DYRK1A: variants seen among roughly 807,000 people sequenced by gnomAD.
DYRK1A encodes dual specificity tyrosine-phosphorylation-regulated kinase 1A.
In DYRK1A, 9 loss-of-function variants were observed where a neutral mutation model predicts 79.7. The observed-to-expected ratio is 0.11, with a 90% CI of 0.07 to 0.20. DYRK1A has a LOEUF of 0.20. DYRK1A is among the 10% of genes least tolerant of loss of function. The probability of loss-of-function intolerance (pLI) is 1.00; values close to 1 mark genes in which losing one functional copy is unlikely to be tolerated. For missense variants in DYRK1A, 622 were observed against 956.0 expected, an observed-to-expected ratio of 0.65 and a Z score of 4.61; for synonymous variants, 349 against 329.7, an observed-to-expected ratio of 1.06 and a Z score of -0.63.
intron 2 of DYRK1A, among the ~76,000 whole-genome samples, chr21:37,456,906 A>C (rs1025786137): frequency 6.6e-6 from 1 of 151,948 alleles, no homozygotes; most frequent in Non-Finnish European, 1.5e-5. Flanking sequence ...ATTGTGAAAA[A>C]CTCACAGATT....
intron 1 of DYRK1A, among the ~76,000 whole-genome samples, chr21:37,416,881 G>T (rs1016195110): frequency 6.6e-6 from 1 of 151,976 alleles, no homozygotes; most frequent in Non-Finnish European, 1.5e-5. Context: ...ATAAAATGAA[G>T]TAATAAAAAA....
chr21:37,468,294 A>G (rs2052103020), intron 2 of DYRK1A, among the ~76,000 whole-genome samples: 2 of 151,084 alleles, frequency 1.3e-5, no homozygotes, highest in African/African-American at 4.9e-5. Context: ...TTTCTTACAG[A>G]GATGAGGTGG....
chr21:37,436,492 C>G (rs1481174695), intron 2 of DYRK1A, among the ~76,000 whole-genome samples: 1 of 152,122 alleles, frequency 6.6e-6, no homozygotes, highest in African/African-American at 2.4e-5. Context: ...GGGCTGTCCA[C>G]TTTTTGTGTC....
rs143943535 is a variant in DYRK1A, at chr21:37,418,177, A to G, written c.-76-2122A>G. On this transcript the variant is annotated intron_variant, in intron 1 of 11. Transcript: ENST00000647188. ...AGCCTGAAGGAAGGATATATGGAAT[A>G]ATCACTAGAGTCCTTATTTAAAGTA... Among the ~76,000 whole-genome samples the G allele has an allele frequency of 2.6e-3, 397 of 152,302 alleles. 2 individuals carry two copies. The highest frequency in any genetic ancestry group is 9.3e-3 in the African/African-American group (385 of 41,572).
chr21:37,388,365 T>C (rs998800152), intron 1 of DYRK1A, among the ~76,000 whole-genome samples: 1 of 152,130 alleles, frequency 6.6e-6, no homozygotes, highest in Non-Finnish European at 1.5e-5. Context: ...ATTACAGGCA[T>C]GAGCCACCAG....
intron 2 of DYRK1A, among the ~76,000 whole-genome samples, chr21:37,462,093 A>G (rs565569103): frequency 6.9e-4 from 104 of 151,812 alleles, no homozygotes; most frequent in African/African-American, 2.3e-3. Context: ...GTTTTCCTTT[A>G]TATTTTAAAA....
At position 37,403,420 on chromosome 21, in the gene DYRK1A, TG is replaced by T. The variant is rs771840912; in HGVS notation, c.-76-16878del. Among the ~76,000 whole-genome samples, 20 of 152,088 alleles carry T rather than the reference TG, an allele frequency of 1.3e-4. 1 individual carries two copies. Among genetic ancestry groups the T allele is most frequent in the Admixed American group, 1.2e-3 (18 of 15,262 alleles). On this transcript the variant is annotated intron_variant, in intron 1 of 11. Coordinates refer to ENST00000647188, the MANE Select transcript of DYRK1A (RefSeq NM_001347721.2). ...TCCCCCTTATTGGATCACATTTTTC[TG>T]TTTCTTTGCTGCCTACTAATTATTT...
At chr21:37,457,032 ACT>A (rs2051667809) in intron 2 of DYRK1A, among the ~76,000 whole-genome samples, 2 of 70,594 alleles carry the variant, frequency 2.8e-5, no homozygotes, top group Non-Finnish European at 2.8e-5. Flanking sequence ...TTACTTACTT[ACT>A]TACTTATTTA....
In DYRK1A at chr21:37,512,204, G is replaced by A. The variant is rs2053772977; in HGVS notation, c.1938G>A (p.Met646Ile). 3.1e-6 allele frequency: 5 copies of A among 1,614,056 alleles called. No individual in the cohort carries two copies. The South Asian group carries it at 4.4e-5, about 14-fold the overall frequency. The change falls in exon 12 of 12, where the codon ATG (methionine) becomes ATA (isoleucine). Residue 646 changes from methionine (M) to isoleucine (I), a missense_variant. Met to Ile is a conservative substitution (Grantham distance 10). Around this residue, in one of 5 missense-constraint regions of DYRK1A, gnomAD observed 292 missense variants for 316.7 expected, o/e 0.92. Transcript: ENST00000647188. ...SMEVGHSHHS[M>I]TSLSSSTTSS... Reference sequence around the variant, plus strand: ...AGGTTGGCCACAGTCACCACTCCATGACATCCCTGTCTTCCTCAACGACTT... The same window carrying A: ...AGGTTGGCCACAGTCACCACTCCATAACATCCCTGTCTTCCTCAACGACTT...
intron 5 of DYRK1A, among the ~76,000 whole-genome samples, chr21:37,484,681 A>G (rs1478736484): frequency 6.6e-6 from 1 of 152,138 alleles, no homozygotes; most frequent in Non-Finnish European, 1.5e-5. Context: ...AATTGTAGCC[A>G]TACAGGCTGC....
At chr21:37,418,113 C>T (rs1222106085) in intron 1 of DYRK1A, among the ~76,000 whole-genome samples, 2 of 152,158 alleles carry the variant, frequency 1.3e-5, no homozygotes, top group African/African-American at 2.4e-5. Context: ...TATAAAAACT[C>T]TGACCTTGTA....
chr21:37,412,764 G>A (rs556152647), intron 1 of DYRK1A, among the ~76,000 whole-genome samples: 3 of 152,086 alleles, frequency 2.0e-5, no homozygotes, highest in Non-Finnish European at 4.4e-5. Context: ...ATAGAGATGG[G>A]AAGTTCAAGT....
chr21:37,392,424 G>C (rs2049887571), intron 1 of DYRK1A, among the ~76,000 whole-genome samples: 1 of 152,196 alleles, frequency 6.6e-6, no homozygotes, highest in South Asian at 2.1e-4. Context: ...GTCTTGGTCT[G>C]TTTGTGCTGC....
rs977612694 is a variant in DYRK1A at position 37,480,892 on chromosome 21, A to G, written c.489+66A>G. On this transcript the variant is annotated intron_variant, in intron 5 of 11. Transcript: ENST00000647188. ...AACTTCTTAGTGAATCTTGTTGTTAACAGCCCTTCCTCAAGAGTGTACTTT... is the reference window on the plus strand; with the variant it reads ...AACTTCTTAGTGAATCTTGTTGTTAGCAGCCCTTCCTCAAGAGTGTACTTT... The G allele has an allele frequency of 2.3e-6, 3 of 1,309,632 alleles. No individual in the cohort carries two copies. The Admixed American group carries it at 6.7e-5, about 29-fold the overall frequency. 81.1% of individuals were successfully genotyped at this position (1,309,632 alleles called of 1,614,324 possible). A position where few individuals can be genotyped will look rare whatever the true frequency, so the allele number is the denominator to read the frequency against.
intron 2 of DYRK1A, among the ~76,000 whole-genome samples, chr21:37,445,179 G>A (rs1008454297): frequency 7.9e-5 from 12 of 152,188 alleles, no homozygotes; most frequent in African/African-American, 2.4e-4. Context: ...GCTTTCATAG[G>A]GAATTAATAC....
intron 2 of DYRK1A, among the ~76,000 whole-genome samples, chr21:37,442,447 TC>T (rs1327825987): frequency 6.6e-6 from 1 of 152,226 alleles, no homozygotes; most frequent in Non-Finnish European, 1.5e-5. Flanking sequence ...CATTTGGAAT[TC>T]TGAGGTAGTT....
chr21:37,457,011 AATTT>A (rs2051659735), intron 2 of DYRK1A, among the ~76,000 whole-genome samples: 1 of 132,908 alleles, frequency 7.5e-6, no homozygotes, highest in Non-Finnish European at 1.6e-5. Flanking sequence ...GTAAAAAGAA[AATTT>A]ACTTACTTAC....
intron 1 of DYRK1A, among the ~76,000 whole-genome samples, chr21:37,378,133 ATTTC>A (rs2049585138): frequency 6.6e-6 from 1 of 152,190 alleles, no homozygotes; most frequent in Non-Finnish European, 1.5e-5. Context: ...TTGGATTTGC[ATTTC>A]TTTAATTATG....
At chr21:37,460,677 T>G (rs2148525413) in intron 2 of DYRK1A, among the ~76,000 whole-genome samples, 1 of 152,316 alleles carries the variant, frequency 6.6e-6, no homozygotes, top group South Asian at 2.1e-4. Context: ...TGTTTTGTAC[T>G]AAGTAGGGAA....
Sources: allele counts gnomAD v4.1 joint callset (sites outside exome capture counted in the v4.1 genomes callset), GRCh38; gene constraint gnomAD v4.1.1; regional missense constraint gnomAD v4.1.1; transcripts MANE v1.5; gene names NCBI Gene and HGNC (gene_info 2026-07-23, HGNC 2026-07-21).